The following TRIP13 variants were observed in gnomAD, a reference collection of about 807,000 sequenced individuals.
TRIP13 encodes pachytene checkpoint protein 2 homolog.
Under a neutral mutation model 54.4 loss-of-function variants are expected in TRIP13, and 25 were observed. The ratio of observed to expected loss-of-function variants is 0.46; its 90% confidence interval spans 0.33 to 0.64. TRIP13 has a LOEUF of 0.64. TRIP13 is among the 30% of genes least tolerant of loss of function. TRIP13 has a pLI of 0.02. For synonymous variants in TRIP13, 207 were observed against 207.8 expected, an observed-to-expected ratio of 1.00 and a Z score of 0.03; for missense variants, 373 against 534.2, an observed-to-expected ratio of 0.70 and a Z score of 2.97.
rs147263968 is a variant in TRIP13 at position 894,922 on chromosome 5, T to A, written c.228T>A (p.Ile76=). 9.9e-6 allele frequency: 16 copies of A among 1,612,428 alleles called. No homozygotes were observed. The highest frequency in any genetic ancestry group is 1.4e-5 in the Non-Finnish European group (16 of 1,179,676). Reference sequence around the variant, plus strand: ...GAAATGTGCAGTCTGTGTCTATTATTGACACAGAATTAAAGGTTAAAGACT... The same window carrying A: ...GAAATGTGCAGTCTGTGTCTATTATAGACACAGAATTAAAGGTTAAAGACT... ...LTRNVQSVSI[I]DTELKVKDSQ... is the part of the protein sequence containing the mutation. Residue 76 remains isoleucine (I), a synonymous_variant, in exon 2 of 13, where the codon ATT becomes ATA. Coordinates refer to ENST00000166345, the MANE Select transcript of TRIP13 (RefSeq NM_004237.4).
At chr5:900,680 G>A in intron 4 of TRIP13, 131 bp downstream of exon 4, 1 of 843,910 alleles carries the variant, frequency 1.2e-6, no homozygotes, top group Non-Finnish European at 1.8e-6. Context: ...GGCAGCCCTT[G>A]TCCTGGACAT....
intron 2 of TRIP13, 144 bp from the exon 3 acceptor site, chr5:896,521 T>G (rs1219162633): frequency 3.8e-6 from 3 of 787,252 alleles, no homozygotes; most frequent in Non-Finnish European, 5.5e-6. Context: ...AATAAAATAA[T>G]AGCCTTCTCA....
intron 5 of TRIP13, among the ~76,000 whole-genome samples, chr5:903,341 G>A (rs1302355184): frequency 1.3e-5 from 2 of 152,012 alleles, no homozygotes; most frequent in Non-Finnish European, 2.9e-5. Flanking sequence ...TTCTCACTAT[G>A]TCCCCTCAGC....
intron 11 of TRIP13, among the ~76,000 whole-genome samples, 169 bp downstream of exon 11, chr5:914,746 T>G (rs760817227): frequency 6.6e-6 from 1 of 151,244 alleles, no homozygotes; most frequent in Non-Finnish European, 1.5e-5. Context: ...TGTGTGCATG[T>G]GAGTAGAAAC....
rs1754270062 is a variant in TRIP13, at chr5:912,893, A to G, written c.1020+897A>G. Among the ~76,000 whole-genome samples the G allele has an allele frequency of 6.6e-6, 1 of 152,140 alleles. No homozygotes were observed. Among genetic ancestry groups the G allele is most frequent in the Non-Finnish European group, 1.5e-5 (1 of 68,010 alleles). On this transcript the variant is annotated intron_variant, in intron 10 of 12. Transcript: ENST00000166345. This position sits in a 1 kb window ranked among gnomAD's most constrained non-coding sequence, Gnocchi z 7.2. ...GGGCGGTAACCAAGCAAACCAGTGA[A>G]TGGGGATTTAAACAGTGATGAGTTT... is the stretch of plus-strand genomic sequence containing the variant.
Position 911,780 on chromosome 5 carries a change from CA to C in TRIP13, c.867-62del. The C allele has an allele frequency of 1.3e-6, 2 of 1,552,564 alleles. No individual in the cohort carries two copies. Among genetic ancestry groups the C allele is most frequent in the Non-Finnish European group, 1.7e-6 (2 of 1,149,278 alleles). ...CTGCCAACCTCCTTGCCAGATAGGG[CA>C]GGATAGAATTGGGTCACCGACAGCC... On this transcript the variant is annotated intron_variant, in intron 9 of 12. Coordinates refer to ENST00000166345, the MANE Select transcript of TRIP13 (RefSeq NM_004237.4). The surrounding 1 kb of genome is among the most constrained non-coding windows in gnomAD (Gnocchi z 4.7).
chr5:904,499 G>A (rs1026953564), intron 6 of TRIP13, among the ~76,000 whole-genome samples: 6 of 152,142 alleles, frequency 3.9e-5, no homozygotes, highest in Non-Finnish European at 8.8e-5. Context: ...TCTAATTACG[G>A]ATTTGTCTTT....
rs1754134311 is a variant in TRIP13, at chr5:907,242, A to G, written c.672+49A>G. The stretch of plus-strand genomic sequence containing the variant: ...ATTGTCTGGATTGTATAGCTGAAAA[A>G]ATGTCTTGTATGTTAGGCAAATCCT... On this transcript the variant is annotated intron_variant, in intron 7 of 12. Transcript: ENST00000166345. The surrounding 1 kb of genome is among the most constrained non-coding windows in gnomAD (Gnocchi z 4.1). 1.3e-6 allele frequency: 2 copies of G among 1,526,904 alleles called. No individual in the cohort carries two copies. Among genetic ancestry groups the G allele is most frequent in the South Asian group, 1.1e-5 (1 of 88,290 alleles). 94.6% of individuals were successfully genotyped at this position (1,526,904 alleles called of 1,614,324 possible).
chr5:896,566 A>G, intron 2 of TRIP13, 99 bp from the exon 3 acceptor site: 1 of 1,305,094 alleles, frequency 7.7e-7, no homozygotes, highest in Non-Finnish European at 1.1e-6. Context: ...TATACTGTAC[A>G]TTCAGTTTTT....
chr5:916,436 G>A (rs180888240), intron 12 of TRIP13, among the ~76,000 whole-genome samples: 32 of 152,338 alleles, frequency 2.1e-4, no homozygotes, highest in Non-Finnish European at 4.3e-4. Context: ...TCAGTGTCTG[G>A]CAGAGCAGAT....
chr5:901,271 GA>G, intron 4 of TRIP13, 69 bp from the exon 5 acceptor site: 1 of 1,423,168 alleles, frequency 7.0e-7, no homozygotes, highest in Non-Finnish European at 9.8e-7. Context: ...AGCCCTGGGG[GA>G]GGGCACATTT....
At chr5:901,524 T>C in intron 5 of TRIP13, 93 bp downstream of exon 5, 1 of 1,248,400 alleles carries the variant, frequency 8.0e-7, no homozygotes. Context: ...TTACGGCTCT[T>C]TGTTTTCTGA....
intron 6 of TRIP13, among the ~76,000 whole-genome samples, chr5:906,527 T>C (rs1029062407): frequency 7.2e-5 from 11 of 152,228 alleles, no homozygotes; most frequent in Non-Finnish European, 1.5e-4. Flanking sequence ...TCTTTTTCTT[T>C]TGTGGACTTT....
intron 2 of TRIP13, among the ~76,000 whole-genome samples, chr5:896,292 C>A (rs919341289): frequency 1.3e-5 from 2 of 151,852 alleles, no homozygotes; most frequent in African/African-American, 2.4e-5. Context: ...CTAGCCTGGG[C>A]GACAAAGCAA....
intron 5 of TRIP13, among the ~76,000 whole-genome samples, chr5:902,219 C>T (rs924851553): frequency 1.1e-4 from 17 of 152,030 alleles, no homozygotes; most frequent in Non-Finnish European, 1.5e-4. Flanking sequence ...TCAATATCAC[C>T]GGGTAGAATG....
In TRIP13 at chr5:894,836, A is replaced by C. The variant is rs1168826390; in HGVS notation, c.142A>C (p.Arg48=). The C allele has an allele frequency of 6.2e-7, 1 of 1,613,558 alleles. No homozygotes were observed. Among genetic ancestry groups the C allele is most frequent in the Non-Finnish European group, 8.5e-7 (1 of 1,179,840 alleles). The change falls in exon 2 of 13, where the codon AGA becomes CGA. Residue 48 remains arginine, a synonymous_variant. Coordinates refer to ENST00000166345, the MANE Select transcript of TRIP13 (RefSeq NM_004237.4). The part of the protein sequence containing the change: ...INLSVRKLLN[R]HNIVFGDYTW... ...CCTGAGTGTTAGAAAGCTACTCAAC[A>C]GACATAATATTGTGTTTGGTGATTA...
At chr5:910,370 C>T (rs562599736) in intron 9 of TRIP13, among the ~76,000 whole-genome samples, 2 of 152,176 alleles carry the variant, frequency 1.3e-5, no homozygotes, top group Non-Finnish European at 2.9e-5. Context: ...TCTCTCCTGG[C>T]GTGTGCCCCT....
At chr5:918,592 T>C (rs2150694253), downstream of TRIP13, among the ~76,000 whole-genome samples, 1 of 152,322 alleles carries the variant, frequency 6.6e-6, no homozygotes, top group Non-Finnish European at 1.5e-5. This position sits in a 1 kb window ranked among gnomAD's most constrained non-coding sequence, Gnocchi z 4.3. Flanking sequence ...TAGGGTTCTC[T>C]AGAGGGACAG....
intron 1 of TRIP13, among the ~76,000 whole-genome samples, chr5:894,227 G>C (rs1316412485): frequency 6.6e-6 from 1 of 152,168 alleles, no homozygotes; most frequent in African/African-American, 2.4e-5. Flanking sequence ...AGGCCAGTAA[G>C]CTGGGACAGT....
Sources: gnomAD v4.1 joint callset for allele counts (sites outside exome capture counted in the v4.1 genomes callset) on GRCh38, gnomAD v4.1.1 for gene constraint, Gnocchi (gnomAD v3.1) non-coding constraint, MANE v1.5 for transcripts, NCBI Gene and HGNC (gene_info 2026-07-23, HGNC 2026-07-21) for gene names.